The following BACE2 variants were observed in gnomAD, a reference collection of about 807,000 sequenced individuals.
BACE2 encodes beta-secretase 2.
A neutral mutation model predicts 46.2 loss-of-function variants in BACE2; 17 were observed. The ratio of observed to expected loss-of-function variants is 0.37; its 90% CI spans 0.25 to 0.55. BACE2 has a LOEUF of 0.55. BACE2 is among the 20% of genes least tolerant of loss of function. The pLI is 0.82. For missense variants in BACE2, 595 were observed against 698.1 expected (o/e 0.85, Z 1.66); for synonymous variants, 277 against 295.9 (o/e 0.94, Z 0.66).
At chr21:41,248,266 C>G (rs923905291) in intron 6 of BACE2, among the ~76,000 whole-genome samples, 1 of 152,176 alleles carries the variant, frequency 6.6e-6, no homozygotes, top group Admixed American at 6.5e-5. Context: ...ATCTGAGGGT[C>G]GAAACTGGCT....
At chr21:41,269,870 C>G (rs947452350) in intron 8 of BACE2, among the ~76,000 whole-genome samples, 2 of 152,150 alleles carry the variant, frequency 1.3e-5, no homozygotes, top group Non-Finnish European at 2.9e-5. Flanking sequence ...GGAGTAGAAT[C>G]GTTGAGTTAC....
intron 2 of BACE2, among the ~76,000 whole-genome samples, chr21:41,235,690 A>G (rs1987097343): frequency 6.6e-6 from 1 of 152,116 alleles, no homozygotes; most frequent in South Asian, 2.1e-4. Context: ...AGAAAGAAAA[A>G]TATTAGTTGG....
At chr21:41,253,017 T>C (rs1451775093) in intron 7 of BACE2, among the ~76,000 whole-genome samples, 1 of 152,226 alleles carries the variant, frequency 6.6e-6, no homozygotes, top group Non-Finnish European at 1.5e-5. Context: ...TGTGTCTCTT[T>C]AACTATAAAG....
intron 1 of BACE2, among the ~76,000 whole-genome samples, chr21:41,200,957 C>A (rs550646922): frequency 2.0e-5 from 3 of 152,198 alleles, no homozygotes; most frequent in Non-Finnish European, 4.4e-5. Flanking sequence ...GACCTAGGCC[C>A]TGACTGGGTT....
chr21:41,250,662 A>C, intron 6 of BACE2, 90 bp from the exon 7 acceptor site: 1 of 1,198,774 alleles, frequency 8.3e-7, no homozygotes, highest in Non-Finnish European at 1.2e-6. Context: ...CCCTGTGGGC[A>C]TCTGGCGAGG....
At chr21:41,220,236 G>A (rs902544080) in intron 1 of BACE2, among the ~76,000 whole-genome samples, 6 of 152,136 alleles carry the variant, frequency 3.9e-5, no homozygotes, top group Middle Eastern at 3.2e-3. Context: ...GCCACCCTCC[G>A]GGAACCTCAG....
intron 1 of BACE2, chr21:41,183,007 C>A (rs1351947313): frequency 1.2e-5 from 2 of 166,422 alleles, no homozygotes; most frequent in African/African-American, 4.8e-5. Context: ...GAATACATTT[C>A]TTTAGCACAT....
In BACE2 at chr21:41,276,065, T is replaced by C; in HGVS notation, c.*441T>C. The C allele has an allele frequency of 5.9e-6, 1 of 169,666 alleles. No individual in the cohort carries two copies. The highest frequency in any genetic ancestry group is 1.3e-5 in the Non-Finnish European group (1 of 77,278). The allele number at this position is 169,666 out of a possible 1,614,324, so 10.5% of individuals were successfully genotyped here. ...CTTTGAGGTTATTTTCCGCCAGACC[T>C]CAACCTGGGTCAAAGTGGTACAGGA... On this transcript the variant is annotated 3_prime_UTR_variant, in exon 9 of 9. Transcript: ENST00000330333.
At chr21:41,220,892 A>G (rs1986620124) in intron 1 of BACE2, among the ~76,000 whole-genome samples, 1 of 151,908 alleles carries the variant, frequency 6.6e-6, no homozygotes, top group Admixed American at 6.6e-5. Flanking sequence ...TTATAGTCTC[A>G]TTATTTAGAG....
rs1213755891 is a variant in BACE2, at chr21:41,246,043, G to A, written c.964G>A (p.Ala322Thr). Residue 322 changes from alanine to threonine, a missense_variant, in exon 6 of 9, where the codon GCT becomes ACT. This residue lies in a region of BACE2 where 343 missense variants were observed against 419.4 expected (regional missense o/e 0.82). Transcript: ENST00000330333. ...PQKVFDAVVE[A>T]VARASLIPEF... is the part of the protein sequence containing the mutation. Reference sequence around the variant, plus strand: ...GAAGGTGTTTGATGCGGTGGTGGAAGCTGTGGCCCGCGCATCTCTGGTGAG... The same window carrying A: ...GAAGGTGTTTGATGCGGTGGTGGAAACTGTGGCCCGCGCATCTCTGGTGAG... 2 of 1,605,736 alleles carry A rather than the reference G, an allele frequency of 1.2e-6. No homozygotes were observed. The highest frequency in any genetic ancestry group is 1.1e-5 in the South Asian group (1 of 89,264).
At chr21:41,249,322 T>A (rs1987570108) in intron 6 of BACE2, among the ~76,000 whole-genome samples, 1 of 150,028 alleles carries the variant, frequency 6.7e-6, no homozygotes, top group Non-Finnish European at 1.5e-5. Flanking sequence ...GACTCAGGAC[T>A]AGTGAGCCCC....
intron 1 of BACE2, among the ~76,000 whole-genome samples, chr21:41,202,325 T>C (rs975689499): frequency 3.3e-5 from 5 of 152,192 alleles, no homozygotes; most frequent in East Asian, 1.9e-4. Flanking sequence ...CGACCAATGC[T>C]TGGAGGATTT....
chr21:41,207,608 C>G (rs1399538340), intron 1 of BACE2, among the ~76,000 whole-genome samples: 1 of 152,102 alleles, frequency 6.6e-6, no homozygotes, highest in Non-Finnish European at 1.5e-5. Context: ...TGTTCTCTCT[C>G]TCTGCCTCCC....
Position 41,270,608 on chromosome 21 carries a change from A to G in BACE2, c.1304-4763A>G, listed in dbSNP as rs192419822. Among the ~76,000 whole-genome samples the G allele has an allele frequency of 2.8e-3, 421 of 152,278 alleles. 2 individuals are homozygous for G. The highest frequency in any genetic ancestry group is 4.5e-3 in the Non-Finnish European group (308 of 68,004). ...CCACAAATGTGTTATTTAGTTTCCA[A>G]ATAATTAGGGATTTTTCCAGAAGCT... On this transcript the variant is annotated intron_variant, in intron 8 of 8. Coordinates refer to ENST00000330333, the MANE Select transcript of BACE2 (RefSeq NM_012105.5).
At chr21:41,186,354 A>G (rs1033017861) in intron 1 of BACE2, 1 of 152,342 alleles carries the variant, frequency 6.6e-6, no homozygotes, top group Non-Finnish European at 1.5e-5. Flanking sequence ...TGCCAGGGAA[A>G]GATGATGGCT....
chr21:41,262,398 G>T (rs1201619912), intron 8 of BACE2, among the ~76,000 whole-genome samples: 2 of 151,974 alleles, frequency 1.3e-5, no homozygotes, highest in Non-Finnish European at 2.9e-5. Flanking sequence ...CATTCCACTG[G>T]TCAAGTTGTC....
intron 2 of BACE2, among the ~76,000 whole-genome samples, chr21:41,230,898 C>A (rs1367425647): frequency 6.6e-6 from 1 of 152,214 alleles, no homozygotes; most frequent in Non-Finnish European, 1.5e-5. Context: ...TAAAATCTCA[C>A]CTCCAGCTAG....
intron 1 of BACE2, among the ~76,000 whole-genome samples, chr21:41,196,423 C>T (rs781123230): frequency 6.6e-6 from 1 of 152,080 alleles, no homozygotes; most frequent in African/African-American, 2.4e-5. Context: ...CACCGTGGCA[C>T]GACTGTCATA....
intron 8 of BACE2, among the ~76,000 whole-genome samples, chr21:41,262,013 G>C (rs1462625096): frequency 1.3e-5 from 2 of 152,070 alleles, no homozygotes; most frequent in Admixed American, 1.3e-4. Context: ...CATTCTAAAA[G>C]TAAGGACATT....
Sources: gnomAD v4.1 joint callset for allele counts (sites outside exome capture counted in the v4.1 genomes callset) on GRCh38, gnomAD v4.1.1 for gene constraint, gnomAD v4.1.1 regional missense constraint, MANE v1.5 for transcripts, NCBI Gene and HGNC (gene_info 2026-07-23, HGNC 2026-07-21) for gene names.